The following CHD2 variants were observed in gnomAD, a reference collection of about 807,000 sequenced individuals.
CHD2 encodes the protein chromodomain helicase DNA binding protein 2, also known as ATP-dependent chromatin remodeler CHD2.
Under a neutral mutation model 243.9 loss-of-function variants are expected in CHD2, and 28 were observed. The observed-to-expected ratio is 0.11, with a 90% CI of 0.09 to 0.16. The LOEUF is 0.16. Ranked by LOEUF, CHD2 falls within the 10% of genes least tolerant of loss-of-function variation. CHD2 has a pLI of 1.00. For synonymous variants in CHD2, 775 were observed against 779.0 expected (o/e 0.99, Z 0.09); for missense variants, 1,386 against 2,209.8 (o/e 0.63, Z 7.47).
intron 34 of CHD2, 147 bp downstream of exon 34, chr15:93,004,898 T>C (rs747334476): frequency 1.6e-5 from 13 of 802,342 alleles, no homozygotes; most frequent in Admixed American, 3.1e-5. Context: ...CGGAAGACCA[T>C]GTGCTCTTCA....
At chr15:92,901,353 C>T in intron 2 of CHD2, 54 bp downstream of exon 2, 2 of 1,052,750 alleles carry the variant, frequency 1.9e-6, no homozygotes, top group Non-Finnish European at 2.9e-6. Flanking sequence ...GGAGAAACCT[C>T]AGCTTACAAT....
At chr15:93,016,181 A>G (rs762018768) in intron 37 of CHD2, among the ~76,000 whole-genome samples, 2 of 152,252 alleles carry the variant, frequency 1.3e-5, no homozygotes, top group African/African-American at 2.4e-5. Context: ...CTTTAAAAAG[A>G]AGGAAATCCT....
At chr15:92,904,399 C>T (rs1017204431) in intron 2 of CHD2, 27 of 972,168 alleles carry the variant, frequency 2.8e-5, no homozygotes, top group African/African-American at 3.5e-5. Flanking sequence ...AGACGGCTCC[C>T]CTGGGGGGCG....
At chr15:92,920,302 A>C (rs779974289) in intron 2 of CHD2, among the ~76,000 whole-genome samples, 9 of 152,220 alleles carry the variant, frequency 5.9e-5, no homozygotes, top group African/African-American at 2.2e-4. Flanking sequence ...CAAATACTCT[A>C]CTCAGAAATA....
Position 92,992,869 on chromosome 15 carries a change from A to G in CHD2, c.3466A>G (p.Ile1156Val). ...FGLPLERLEC[I>V]ARDAELVDKS... ...TTTGTTCCTCCTCAGGCTGGAGTGCATAGCACGTGATGCTGAGCTGGTAGA... is the reference window on the plus strand; with the variant it reads ...TTTGTTCCTCCTCAGGCTGGAGTGCGTAGCACGTGATGCTGAGCTGGTAGA... Residue 1156 changes from isoleucine to valine, a missense_variant, in exon 28 of 39, where the codon ATA becomes GTA. Physicochemically the swap from Ile to Val is conservative, Grantham distance 29 (BLOSUM62 3). This residue lies in a region of CHD2 where 13 missense variants were observed against 57.6 expected (regional missense o/e 0.23). Coordinates refer to ENST00000394196, the MANE Select transcript of CHD2 (RefSeq NM_001271.4). 6.2e-7 allele frequency: 1 copy of G among 1,613,598 alleles called. No individual in the cohort carries two copies. Among genetic ancestry groups the G allele is most frequent in the Non-Finnish European group, 8.5e-7 (1 of 1,180,032 alleles).
intron 3 of CHD2, among the ~76,000 whole-genome samples, chr15:92,926,788 C>T (rs1376211404): frequency 6.6e-6 from 1 of 152,164 alleles, no homozygotes; most frequent in Non-Finnish European, 1.5e-5. Context: ...ACCTGAGGAA[C>T]TTAAAGAAAA....
chr15:92,989,814 A>C (rs563980801), intron 26 of CHD2, among the ~76,000 whole-genome samples: 1 of 152,336 alleles, frequency 6.6e-6, no homozygotes, highest in South Asian at 2.1e-4. Flanking sequence ...TGCTTCTGAG[A>C]GTGAGACAGA....
intron 33 of CHD2, 135 bp downstream of exon 33, chr15:93,002,452 C>A: frequency 7.3e-7 from 1 of 1,368,866 alleles, no homozygotes; most frequent in Non-Finnish European, 9.7e-7. Flanking sequence ...ATGGGTGGGG[C>A]CGTTGATGGG....
intron 37 of CHD2, among the ~76,000 whole-genome samples, chr15:93,018,298 C>G (rs1004042495): frequency 6.6e-6 from 1 of 152,226 alleles, no homozygotes; most frequent in African/African-American, 2.4e-5. Context: ...CTACCCAGGT[C>G]AGCCATGAAT....
chr15:92,981,060 A>G, intron 23 of CHD2, 149 bp downstream of exon 23: 1 of 659,176 alleles, frequency 1.5e-6, no homozygotes. Context: ...GGAATCTCAT[A>G]GCTCTTACCA....
At chr15:93,010,879 T>C (rs1252797953) in intron 35 of CHD2, among the ~76,000 whole-genome samples, 1 of 152,234 alleles carries the variant, frequency 6.6e-6, no homozygotes, top group African/African-American at 2.4e-5. Context: ...ATGGATAATG[T>C]GATTATCTTT....
intron 26 of CHD2, among the ~76,000 whole-genome samples, chr15:92,990,158 G>A (rs1428948835): frequency 6.6e-6 from 1 of 152,192 alleles, no homozygotes; most frequent in Non-Finnish European, 1.5e-5. Flanking sequence ...TTCTTAGGGT[G>A]CTGTTAGCCA....
At chr15:92,928,469 C>G (rs752537205) in intron 4 of CHD2, among the ~76,000 whole-genome samples, 3 of 149,704 alleles carry the variant, frequency 2.0e-5, no homozygotes, top group Non-Finnish European at 4.5e-5. Context: ...GTTAGCAGAG[C>G]ACTGTTGGCT....
intron 16 of CHD2, among the ~76,000 whole-genome samples, chr15:92,963,889 G>C (rs947222615): frequency 6.6e-6 from 1 of 152,208 alleles, no homozygotes; most frequent in Non-Finnish European, 1.5e-5. Flanking sequence ...GAACATCTGT[G>C]CTTGTTTTTA....
At position 92,946,312 on chromosome 15, in the gene CHD2, T is replaced by C. The variant is rs1042726584; in HGVS notation, c.1377+96T>C. The stretch of plus-strand genomic sequence containing the variant: ...GCTGAGAAAATATTACAAAATGAAA[T>C]GATGATTGCCATTTTGAAGTGAAAG... On this transcript the variant is annotated intron_variant, in intron 12 of 38. Coordinates refer to ENST00000394196, the MANE Select transcript of CHD2 (RefSeq NM_001271.4). 1.3e-5 allele frequency: 12 copies of C among 956,148 alleles called. No individual in the cohort carries two copies. The African/African-American group carries it at 1.3e-4, about 10-fold the overall frequency. 59.2% of individuals were successfully genotyped at this position (956,148 alleles called of 1,614,324 possible).
At chr15:92,919,730 G>T (rs7173103) in intron 2 of CHD2, among the ~76,000 whole-genome samples, 71,463 of 151,756 alleles carry the variant, frequency 0.47, 17,738 homozygotes, top group East Asian at 0.85. Context: ...AATCTTTGCT[G>T]GTTTTGTGTA....
intron 17 of CHD2, among the ~76,000 whole-genome samples, chr15:92,969,165 G>A (rs755163630): frequency 6.6e-6 from 1 of 152,206 alleles, no homozygotes; most frequent in African/African-American, 2.4e-5. Context: ...TTGATCATAT[G>A]ATTTTTCTGG....
chr15:93,007,120 G>A (rs183430456), intron 34 of CHD2, among the ~76,000 whole-genome samples: 20 of 152,246 alleles, frequency 1.3e-4, no homozygotes, highest in African/African-American at 4.3e-4. Flanking sequence ...TTAGATACTC[G>A]AGTTCCTCTT....
Position 92,998,687 on chromosome 15 carries a change from G to A in CHD2, c.4008+66G>A. 1.3e-6 allele frequency: 2 copies of A among 1,569,678 alleles called. No individual in the cohort carries two copies. On this transcript the variant is annotated intron_variant, in intron 31 of 38. Coordinates refer to ENST00000394196, the MANE Select transcript of CHD2 (RefSeq NM_001271.4). The surrounding 1 kb of genome is among the most constrained non-coding windows in gnomAD (Gnocchi z 5.1). ...GCTCCTACCCTGCAGAATTAGGTAG[G>A]AAGAGAGAGGCCCTCTCTGAGCACT...
Sources: gnomAD v4.1 joint callset for allele counts (sites outside exome capture counted in the v4.1 genomes callset) on GRCh38, gnomAD v4.1.1 for gene constraint, gnomAD v4.1.1 regional missense constraint, Gnocchi (gnomAD v3.1) non-coding constraint, MANE v1.5 for transcripts, NCBI Gene and HGNC (gene_info 2026-07-23, HGNC 2026-07-21) for gene names.